The following ZNF398 variants were observed in gnomAD, a reference collection of about 807,000 sequenced individuals.
ZNF398 encodes zinc finger protein 398, also known as zinc finger DNA binding protein ZER6.
Under a neutral mutation model 41.9 loss-of-function variants are expected in ZNF398, and 18 were observed. That is an observed-to-expected ratio of 0.43 (90% CI 0.30 to 0.64). The LOEUF is 0.64. ZNF398 is among the 30% of genes least tolerant of loss of function. The pLI, the probability that ZNF398 is intolerant of heterozygous loss-of-function variation, is 0.14. For missense variants in ZNF398, 669 were observed against 822.8 expected, an observed-to-expected ratio of 0.81 and a Z score of 2.29; for synonymous variants, 260 against 308.8, an observed-to-expected ratio of 0.84 and a Z score of 1.66.
intron 2 of ZNF398, among the ~76,000 whole-genome samples, chr7:149,164,050 T>A (rs1795172067): frequency 6.6e-6 from 1 of 151,480 alleles, no homozygotes. Flanking sequence ...AGACAGAGGT[T>A]GCAGTGAGCC....
At chr7:149,176,609 T>C in intron 5 of ZNF398, 28 bp downstream of exon 5, 1 of 1,469,224 alleles carries the variant, frequency 6.8e-7, no homozygotes, top group Non-Finnish European at 9.4e-7. Flanking sequence ...GAGGTGTTCA[T>C]GTCCATATCC....
intron 5 of ZNF398, among the ~76,000 whole-genome samples, chr7:149,177,070 T>C (rs2158632): frequency 0.074 from 11,192 of 152,050 alleles, 410 homozygotes; most frequent in Middle Eastern, 0.092. Flanking sequence ...TAGAAGAGAA[T>C]CTCAAGATCA....
At chr7:149,161,671 G>T (rs1340693711) in intron 2 of ZNF398, among the ~76,000 whole-genome samples, 1 of 152,118 alleles carries the variant, frequency 6.6e-6, no homozygotes. Context: ...ACATAAAGTC[G>T]CAAAAAGTAC....
At chr7:149,133,677 A>G (rs1430394032) in intron 2 of ZNF398, among the ~76,000 whole-genome samples, 2 of 45,672 alleles carry the variant, frequency 4.4e-5, no homozygotes, top group African/African-American at 1.5e-4. Flanking sequence ...ATATATATAT[A>G]TACATATATA....
intron 2 of ZNF398, among the ~76,000 whole-genome samples, chr7:149,165,544 GA>G (rs1412297355): frequency 1.3e-5 from 2 of 152,196 alleles, no homozygotes; most frequent in Non-Finnish European, 2.9e-5. Flanking sequence ...TGTTCCATTT[GA>G]AGAATGTACA....
intron 1 of ZNF398, among the ~76,000 whole-genome samples, chr7:149,128,536 C>T (rs993470866): frequency 6.6e-6 from 1 of 151,900 alleles, no homozygotes; most frequent in African/African-American, 2.4e-5. Flanking sequence ...TGCCTGAGCA[C>T]AGGAGTTGAA....
rs553215849 is a variant in ZNF398 at position 149,155,640 on chromosome 7, TGAG to T, written c.420+1304_420+1306del. On this transcript the variant is annotated intron_variant, in intron 2 of 5. Transcript: ENST00000475153. Reference sequence around the variant, plus strand: ...ATTTGGATTTTTAACTAAGGTGTAATGAGGAGAAATTGGAGGGTTTGAAGCAGA... The same window carrying T: ...ATTTGGATTTTTAACTAAGGTGTAATGAGAAATTGGAGGGTTTGAAGCAGA... Among the ~76,000 whole-genome samples the T allele has an allele frequency of 8.3e-4, 124 of 149,704 alleles. 1 individual carries two copies. Among genetic ancestry groups the T allele is most frequent in the Non-Finnish European group, 1.4e-3 (98 of 67,606 alleles).
Position 149,179,881 on chromosome 7 carries a change from C to T in ZNF398, c.*80C>T. The T allele has an allele frequency of 1.6e-6, 2 of 1,268,214 alleles. No homozygotes were observed. The highest frequency in any genetic ancestry group is 2.2e-6 in the Non-Finnish European group (2 of 924,822). 78.6% of individuals were successfully genotyped at this position (1,268,214 alleles called of 1,614,324 possible). A position where few individuals can be genotyped will look rare whatever the true frequency, so the allele number is the denominator to read the frequency against. Reference sequence around the variant, plus strand: ...CAAGAGAAGGTCTGTGAGCCCCATCCAACACCCACAGTAATTATTATCTGG... The same window carrying T: ...CAAGAGAAGGTCTGTGAGCCCCATCTAACACCCACAGTAATTATTATCTGG... On this transcript the variant is annotated 3_prime_UTR_variant, in exon 6 of 6. Coordinates refer to ENST00000475153, the MANE Select transcript of ZNF398 (RefSeq NM_170686.3). The surrounding 1 kb of genome is among the most constrained non-coding windows in gnomAD (Gnocchi z 6.1).
At chr7:149,149,348 C>T (rs1827052708) in intron 1 of ZNF398, among the ~76,000 whole-genome samples, 1 of 152,068 alleles carries the variant, frequency 6.6e-6, no homozygotes, top group Non-Finnish European at 1.5e-5. Flanking sequence ...ATTCTCCTGC[C>T]TCAGCCTCCC....
At chr7:149,160,883 C>T (rs1795093692) in intron 2 of ZNF398, among the ~76,000 whole-genome samples, 1 of 151,940 alleles carries the variant, frequency 6.6e-6, no homozygotes, top group East Asian at 1.9e-4. Flanking sequence ...TTTTCTCAGT[C>T]AGGAGGCACT....
chr7:149,137,105 G>T (rs1451146565), intron 2 of ZNF398, among the ~76,000 whole-genome samples: 1 of 152,068 alleles, frequency 6.6e-6, no homozygotes, highest in Non-Finnish European at 1.5e-5. Flanking sequence ...GACCTCAGGT[G>T]ATCCTCCCAC....
intron 4 of ZNF398, among the ~76,000 whole-genome samples, chr7:149,173,785 C>CTTTTTTT (rs528703910): frequency 1.4e-5 from 1 of 71,590 alleles, no homozygotes; most frequent in Non-Finnish European, 2.7e-5. Flanking sequence ...TAGCATAATT[C>CTTTTTTT]TTTTTTTTTT....
intron 2 of ZNF398, among the ~76,000 whole-genome samples, chr7:149,137,397 T>C (rs551377117): frequency 6.6e-6 from 1 of 152,278 alleles, no homozygotes; most frequent in South Asian, 2.1e-4. Flanking sequence ...ATACTTTTCT[T>C]TTAACACAGA....
Position 149,179,321 on chromosome 7 carries a change from C to T in ZNF398, c.1449C>T (p.Phe483=). The T allele has an allele frequency of 4.3e-6, 7 of 1,613,296 alleles. No homozygotes were observed. The highest frequency in any genetic ancestry group is 3.3e-5 in the Admixed American group (2 of 60,030). The part of the protein sequence containing the change: ...HQRGHAQERP[F]SCPQCGIDFN... ...GGGGTCATGCACAAGAGCGCCCTTT[C>T]TCCTGCCCTCAGTGTGGCATTGACT... Residue 483 remains phenylalanine (F), a synonymous_variant, in exon 6 of 6, where the codon TTC becomes TTT. Transcript: ENST00000475153. This position sits in a 1 kb window ranked among gnomAD's most constrained non-coding sequence, Gnocchi z 6.1.
intron 4 of ZNF398, among the ~76,000 whole-genome samples, chr7:149,170,122 C>T (rs1204314511): frequency 1.3e-5 from 2 of 152,198 alleles, no homozygotes; most frequent in Non-Finnish European, 2.9e-5. Context: ...ATTCCAGACT[C>T]ATAGAAGGAA....
At chr7:149,164,221 C>T (rs1476381809) in intron 2 of ZNF398, among the ~76,000 whole-genome samples, 2 of 151,238 alleles carry the variant, frequency 1.3e-5, no homozygotes, top group African/African-American at 2.4e-5. Context: ...TCCTGGCTAA[C>T]ACGGTGAAAC....
chr7:149,152,637 G>A (rs1343658293), intron 1 of ZNF398, among the ~76,000 whole-genome samples: 1 of 151,134 alleles, frequency 6.6e-6, no homozygotes, highest in East Asian at 1.9e-4. Context: ...TGCGATCTCG[G>A]CTCACTGAAA....
At chr7:149,134,841 A>T (rs1826676869) in intron 2 of ZNF398, among the ~76,000 whole-genome samples, 1 of 151,618 alleles carries the variant, frequency 6.6e-6, no homozygotes, top group Non-Finnish European at 1.5e-5. Flanking sequence ...AGCAATTCTC[A>T]TGCCTCAGCC....
chr7:149,145,366 C>A (rs1826912484), upstream of ZNF398, among the ~76,000 whole-genome samples: 1 of 152,136 alleles, frequency 6.6e-6, no homozygotes, highest in Non-Finnish European at 1.5e-5. Flanking sequence ...AAGCATTAAT[C>A]AGGCTGCACT....
Sources: gnomAD v4.1 joint callset for allele counts (sites outside exome capture counted in the v4.1 genomes callset) on GRCh38, gnomAD v4.1.1 for gene constraint, Gnocchi (gnomAD v3.1) non-coding constraint, MANE v1.5 for transcripts, NCBI Gene and HGNC (gene_info 2026-07-23, HGNC 2026-07-21) for gene names.